Variants in DPYD observed in about 807,000 individuals in gnomAD.
DPYD encodes dihydropyrimidine dehydrogenase.
In DPYD, 109 loss-of-function variants were observed where a neutral mutation model predicts 116.2. The observed-to-expected ratio is 0.94, with a 90% CI of 0.80 to 1.10. The LOEUF is 1.10. Ranked by LOEUF, DPYD falls within the 50% of genes least tolerant of loss-of-function variation. DPYD has a pLI of 0.00. For missense variants in DPYD, 1,302 were observed against 1,254.5 expected, an observed-to-expected ratio of 1.04 and a Z score of -0.57; for synonymous variants, 440 against 432.0, an observed-to-expected ratio of 1.02 and a Z score of -0.23.
chr1:97,720,160 TCTCTCACA>T, intron 5 of DPYD: 1 of 984,052 alleles, frequency 1.0e-6, no homozygotes, highest in Middle Eastern at 5.2e-4. Flanking sequence ...TCTCTCTCTC[TCTCTCACA>T]CACACACACA....
chr1:97,706,806 G>A (rs1262229074), intron 5 of DPYD, among the ~76,000 whole-genome samples: 1 of 152,010 alleles, frequency 6.6e-6, no homozygotes, highest in Non-Finnish European at 1.5e-5. Flanking sequence ...TATGAATAAA[G>A]CTGCTATAAA....
intron 15 of DPYD, among the ~76,000 whole-genome samples, chr1:97,374,534 C>G (rs1178148923): frequency 1.3e-5 from 2 of 151,730 alleles, no homozygotes; most frequent in African/African-American, 4.8e-5. Flanking sequence ...TCCTGGCTAA[C>G]ACAGTGAAAC....
At chr1:97,660,435 T>C (rs1659181917) in intron 8 of DPYD, among the ~76,000 whole-genome samples, 2 of 152,292 alleles carry the variant, frequency 1.3e-5, no homozygotes, top group Admixed American at 6.5e-5. Flanking sequence ...TAAAATGCTT[T>C]ATTTATTCTT....
At chr1:97,097,651 G>C (rs1472518314) in intron 21 of DPYD, among the ~76,000 whole-genome samples, 1 of 152,108 alleles carries the variant, frequency 6.6e-6, no homozygotes, top group East Asian at 1.9e-4. Flanking sequence ...GGTTACCTGA[G>C]GAATCCTGGT....
chr1:97,820,207 C>T (rs548843053), intron 3 of DPYD, among the ~76,000 whole-genome samples: 1 of 152,062 alleles, frequency 6.6e-6, no homozygotes, highest in African/African-American at 2.4e-5. Flanking sequence ...AGTAGTAACA[C>T]AACCCTTAGG....
At chr1:97,541,575 A>C (rs1047242365) in intron 12 of DPYD, among the ~76,000 whole-genome samples, 6 of 152,196 alleles carry the variant, frequency 3.9e-5, no homozygotes, top group African/African-American at 1.4e-4. Flanking sequence ...TTTTTAAAAG[A>C]AAAAGGAAAA....
At chr1:97,553,248 C>T (rs1206170437) in intron 11 of DPYD, among the ~76,000 whole-genome samples, 1 of 151,860 alleles carries the variant, frequency 6.6e-6, no homozygotes, top group Non-Finnish European at 1.5e-5. Flanking sequence ...AATACCTTTC[C>T]TAATTTCAAC....
intron 5 of DPYD, among the ~76,000 whole-genome samples, chr1:97,706,743 AT>A (rs1661978818): frequency 6.6e-6 from 1 of 152,092 alleles, no homozygotes; most frequent in Non-Finnish European, 1.5e-5. Flanking sequence ...TGTATGTACC[AT>A]AGTTTATTTA....
At chr1:97,292,964 T>C (rs1666308191) in intron 18 of DPYD, among the ~76,000 whole-genome samples, 1 of 152,166 alleles carries the variant, frequency 6.6e-6, no homozygotes, top group Non-Finnish European at 1.5e-5. Flanking sequence ...AAAGACCAAA[T>C]GTTTGGAACT....
intron 13 of DPYD, among the ~76,000 whole-genome samples, chr1:97,499,520 T>A (rs1237677133): frequency 6.6e-6 from 1 of 151,780 alleles, no homozygotes; most frequent in African/African-American, 2.4e-5. Context: ...TCTCTCTATC[T>A]AAAAACATAT....
intron 20 of DPYD, among the ~76,000 whole-genome samples, chr1:97,173,029 T>C (rs1656849460): frequency 6.6e-6 from 1 of 151,992 alleles, no homozygotes; most frequent in Admixed American, 6.6e-5. Context: ...GGAGTGGTAA[T>C]TGAATGGTTA....
At chr1:97,318,677 C>A (rs1668022349) in intron 16 of DPYD, among the ~76,000 whole-genome samples, 1 of 151,172 alleles carries the variant, frequency 6.6e-6, no homozygotes, top group Non-Finnish European at 1.5e-5. Flanking sequence ...ATCAACGAGA[C>A]AGAAAGTCAA....
At chr1:97,320,059 A>G (rs1252804598) in intron 16 of DPYD, among the ~76,000 whole-genome samples, 53 of 141,050 alleles carry the variant, frequency 3.8e-4, no homozygotes, top group African/African-American at 1.3e-3. Context: ...CTCTCAATAA[A>G]TTAGGTATTG....
chr1:97,173,218 ATACG>A (rs1484453872), intron 20 of DPYD, among the ~76,000 whole-genome samples: 7 of 136,250 alleles, frequency 5.1e-5, no homozygotes, highest in Non-Finnish European at 9.5e-5. Flanking sequence ...ATATACACAT[ATACG>A]TACATATATG....
Position 97,450,107 on chromosome 1 carries a change from T to C in DPYD, c.1857A>G (p.Ala619=), listed in dbSNP as rs778338661. 6.2e-7 allele frequency: 1 copy of C among 1,613,906 alleles called. No individual in the cohort carries two copies. Among genetic ancestry groups the C allele is most frequent in the African/African-American group, 1.3e-5 (1 of 74,926 alleles). ...GTTCAGTGACACTTTGACACCAATA[T>C]GCAGCCGTTTTCTCACTGATGAGCT... The part of the protein sequence containing the change: ...NIELISEKTA[A]YWCQSVTELK... The change falls in exon 14 of 23, where the codon GCA becomes GCG. Residue 619 remains alanine, a synonymous_variant. Transcript: ENST00000370192.
At chr1:97,733,021 T>C (rs560980112) in intron 4 of DPYD, among the ~76,000 whole-genome samples, 13 of 152,224 alleles carry the variant, frequency 8.5e-5, no homozygotes, top group Non-Finnish European at 1.6e-4. Context: ...AGCTTGGTCC[T>C]GTTACATATA....
chr1:97,203,711 T>A (rs1570662556), intron 19 of DPYD, among the ~76,000 whole-genome samples: 1 of 62,510 alleles, frequency 1.6e-5, no homozygotes, highest in Non-Finnish European at 2.8e-5. Flanking sequence ...TAGGGAAAAT[T>A]AACGCATGGA....
intron 20 of DPYD, among the ~76,000 whole-genome samples, chr1:97,142,391 C>A (rs1449251959): frequency 6.6e-6 from 1 of 152,058 alleles, no homozygotes; most frequent in Non-Finnish European, 1.5e-5. Context: ...TAGTTTCCTT[C>A]ATATGGTTCT....
intron 20 of DPYD, among the ~76,000 whole-genome samples, chr1:97,184,305 T>G (rs1657848366): frequency 6.6e-6 from 1 of 152,286 alleles, no homozygotes; most frequent in Non-Finnish European, 1.5e-5. Context: ...CTGGGTAGAA[T>G]AGCAGTTCTT....
Sources: gnomAD v4.1 joint callset for allele counts (sites outside exome capture counted in the v4.1 genomes callset) on GRCh38, gnomAD v4.1.1 for gene constraint, MANE v1.5 for transcripts, NCBI Gene and HGNC (gene_info 2026-07-23, HGNC 2026-07-21) for gene names.